Variants in KCNIP4 observed in about 807,000 individuals in gnomAD.
The protein encoded by KCNIP4 is potassium voltage-gated channel interacting protein 4.
Under a neutral mutation model 34.0 loss-of-function variants are expected in KCNIP4, and 12 were observed. The observed-to-expected ratio is 0.35, with a 90% CI of 0.23 to 0.57. The LOEUF is 0.57. Among genes scored for constraint, KCNIP4 ranks in the 20% least tolerant of loss-of-function variants. The pLI is 0.83. For missense variants in KCNIP4, 238 were observed against 311.7 expected (o/e 0.76, Z 1.78); for synonymous variants, 124 against 102.2 (o/e 1.21, Z -1.29).
intron 1 of KCNIP4, among the ~76,000 whole-genome samples, chr4:21,549,103 G>A (rs1022494352): frequency 4.0e-5 from 6 of 151,880 alleles, no homozygotes; most frequent in African/African-American, 1.5e-4. Flanking sequence ...TAGTTGAGAA[G>A]CAATGGTCTC....
At chr4:21,146,916 T>C (rs1179343043) in intron 1 of KCNIP4, among the ~76,000 whole-genome samples, 1 of 152,184 alleles carries the variant, frequency 6.6e-6, no homozygotes, top group Admixed American at 6.5e-5. Context: ...TCGCTGTATA[T>C]ACATATTTAT....
chr4:21,927,219 C>T (rs1015161190), intron 1 of KCNIP4, among the ~76,000 whole-genome samples: 1 of 152,130 alleles, frequency 6.6e-6, no homozygotes, highest in African/African-American at 2.4e-5. Flanking sequence ...TCAGACTGGG[C>T]CCACTGACAC....
At chr4:21,433,755 C>G (rs1189140630) in intron 1 of KCNIP4, among the ~76,000 whole-genome samples, 1 of 152,172 alleles carries the variant, frequency 6.6e-6, no homozygotes, top group Non-Finnish European at 1.5e-5. Flanking sequence ...CAATTTCCTT[C>G]CTAATCTGAA....
At chr4:21,216,136 TG>T (rs1757560403) in intron 1 of KCNIP4, among the ~76,000 whole-genome samples, 1 of 152,184 alleles carries the variant, frequency 6.6e-6, no homozygotes, top group Non-Finnish European at 1.5e-5. Context: ...GGTTGAGAAA[TG>T]ACTTTGCGTT....
intron 1 of KCNIP4, among the ~76,000 whole-genome samples, chr4:21,024,097 A>G (rs1467620921): frequency 1.3e-5 from 2 of 152,354 alleles, no homozygotes; most frequent in East Asian, 3.9e-4. Context: ...AAGTGATTTT[A>G]TATCATAGTT....
chr4:21,518,827 C>A (rs1453397188), intron 1 of KCNIP4, among the ~76,000 whole-genome samples: 1 of 152,028 alleles, frequency 6.6e-6, no homozygotes, highest in Non-Finnish European at 1.5e-5. Context: ...CTTGATAAAC[C>A]CCTGCATAGC....
intron 1 of KCNIP4, among the ~76,000 whole-genome samples, chr4:20,967,351 T>G (rs1362774940): frequency 6.6e-6 from 1 of 152,294 alleles, no homozygotes; most frequent in Admixed American, 6.5e-5. Context: ...ATGGCCATAC[T>G]GCCCAAGGTA....
At chr4:21,883,318 TA>T (rs1726569078) in intron 1 of KCNIP4, among the ~76,000 whole-genome samples, 1 of 152,048 alleles carries the variant, frequency 6.6e-6, no homozygotes, top group Admixed American at 6.6e-5. Context: ...GCTAATTATT[TA>T]AAAAAATTTT....
chr4:21,810,875 A>G (rs757552029), intron 1 of KCNIP4, among the ~76,000 whole-genome samples: 4 of 152,222 alleles, frequency 2.6e-5, no homozygotes, highest in African/African-American at 9.6e-5. Flanking sequence ...CTTGAGTAAC[A>G]GTCTGAATGA....
rs184023214 is a variant in KCNIP4 at position 21,853,884 on chromosome 4, G to A, written c.61+94687C>T. 1.4e-4 allele frequency among the ~76,000 whole-genome samples: 21 copies of A among 152,294 alleles called. No homozygotes were observed. The East Asian group carries it at 3.7e-3, about 27-fold the overall frequency. On this transcript the variant is annotated intron_variant, in intron 1 of 8. Coordinates refer to ENST00000382152, the MANE Select transcript of KCNIP4 (RefSeq NM_025221.6). ...TCATCTGTCAAATAAAGAGTTTGGG[G>A]TCATGTGCCATCCATGGTCCTTTGA...
intron 1 of KCNIP4, among the ~76,000 whole-genome samples, chr4:21,291,868 AAAGAAAG>A (rs535059236): frequency 0.077 from 1,510 of 19,560 alleles, 48 homozygotes; most frequent in Middle Eastern, 0.17. Flanking sequence ...AAAAAAAAAA[AAAGAAAG>A]AAAGAAAGAA....
At chr4:21,012,979 G>A (rs572407822) in intron 1 of KCNIP4, among the ~76,000 whole-genome samples, 22 of 152,270 alleles carry the variant, frequency 1.4e-4, no homozygotes, top group African/African-American at 5.1e-4. Context: ...CAGTAATTTG[G>A]GGGTGGAATA....
intron 1 of KCNIP4, among the ~76,000 whole-genome samples, chr4:21,917,141 G>A (rs946734746): frequency 3.8e-4 from 57 of 151,966 alleles, no homozygotes; most frequent in African/African-American, 1.4e-3. Context: ...TTGTTTGTTT[G>A]TTTGTTTGTT....
chr4:21,022,024 A>C (rs1740116077), intron 1 of KCNIP4, among the ~76,000 whole-genome samples: 1 of 152,142 alleles, frequency 6.6e-6, no homozygotes, highest in African/African-American at 2.4e-5. Flanking sequence ...TTTTTACACC[A>C]ACATCACCAA....
chr4:21,371,184 G>T (rs1720417073), intron 1 of KCNIP4, among the ~76,000 whole-genome samples: 1 of 144,888 alleles, frequency 6.9e-6, no homozygotes, highest in South Asian at 2.1e-4. Flanking sequence ...TAAAAATGAG[G>T]ATCTTTAAGG....
intron 1 of KCNIP4, among the ~76,000 whole-genome samples, chr4:21,137,880 T>G (rs867028710): frequency 2.6e-5 from 3 of 113,384 alleles, no homozygotes; most frequent in Non-Finnish European, 3.9e-5. Flanking sequence ...GCTTTTTTGT[T>G]TTTTTTTTTT....
chr4:21,199,659 A>G lies in KCNIP4; in HGVS notation c.62-316950T>C, dbSNP rs1034855716. On this transcript the variant is annotated intron_variant, in intron 1 of 8. Coordinates refer to ENST00000382152, the MANE Select transcript of KCNIP4 (RefSeq NM_025221.6). ...GTCCTTGCTAATGCCTATGTCTTGA[A>G]TGGTATTGCCTAGGTTTTCTTCTAG... 3.3e-5 allele frequency among the ~76,000 whole-genome samples: 5 copies of G among 152,340 alleles called. No homozygotes were observed. The South Asian group carries it at 1.0e-3, about 32-fold the overall frequency.
intron 1 of KCNIP4, among the ~76,000 whole-genome samples, chr4:20,903,357 C>A (rs1422285908): frequency 6.6e-6 from 1 of 152,088 alleles, no homozygotes; most frequent in African/African-American, 2.4e-5. Context: ...TATATTACTG[C>A]ATATTTAAGC....
At chr4:21,253,708 T>A (rs925379933) in intron 1 of KCNIP4, among the ~76,000 whole-genome samples, 2 of 152,220 alleles carry the variant, frequency 1.3e-5, no homozygotes, top group African/African-American at 4.8e-5. Context: ...AATCATAATC[T>A]CTGTGGCTGC....
Sources: gnomAD v4.1 joint callset for allele counts (sites outside exome capture counted in the v4.1 genomes callset) on GRCh38, gnomAD v4.1.1 for gene constraint, MANE v1.5 for transcripts, NCBI Gene and HGNC (gene_info 2026-07-23, HGNC 2026-07-21) for gene names.